ACSS3: variants seen among roughly 807,000 people sequenced by gnomAD.
ACSS3 encodes the protein acyl-CoA synthetase short chain family member 3, also known as acyl-CoA synthetase short-chain family member 3, mitochondrial.
A neutral mutation model predicts 84.2 loss-of-function variants in ACSS3; 64 were observed. That is an observed-to-expected ratio of 0.76 (90% CI 0.62 to 0.94). The LOEUF (loss-of-function observed/expected upper bound fraction) is 0.94, where lower values mean the gene tolerates loss of function less well. ACSS3 is among the 40% of genes least tolerant of loss of function. The pLI is 0.00. For missense variants in ACSS3, 815 were observed against 867.6 expected (o/e 0.94, Z 0.76); for synonymous variants, 317 against 310.1 (o/e 1.02, Z -0.23).
intron 1 of ACSS3, among the ~76,000 whole-genome samples, chr12:81,079,582 C>A (rs1485549986): frequency 6.6e-6 from 1 of 152,160 alleles, no homozygotes; most frequent in Non-Finnish European, 1.5e-5. Context: ...AGAATCTGAG[C>A]ACCTTGCCCC....
In ACSS3 at chr12:81,258,255, A is replaced by T. The variant is rs970300359; in HGVS notation, c.*3333A>T. The T allele has an allele frequency of 2.0e-5, 3 of 152,208 alleles. No individual in the cohort carries two copies. The highest frequency in any genetic ancestry group is 7.2e-5 in the African/African-American group (3 of 41,474). The allele number at this position is 152,208 out of a possible 1,614,324, so 9.4% of individuals were successfully genotyped here. A position where few individuals can be genotyped will look rare whatever the true frequency, so the allele number is the denominator to read the frequency against. On this transcript the variant is annotated 3_prime_UTR_variant, in exon 16 of 16. Coordinates refer to ENST00000548058, the MANE Select transcript of ACSS3 (RefSeq NM_024560.4). ...CTTATGTGACTAGAAAACAAAGCTTAAACAGAGAACTGGAATTATTATTTT... is the reference window on the plus strand; with the variant it reads ...CTTATGTGACTAGAAAACAAAGCTTTAACAGAGAACTGGAATTATTATTTT...
In ACSS3 at chr12:81,195,596, T is replaced by C. The variant is rs576979625; in HGVS notation, c.1251-3745T>C. Among the ~76,000 whole-genome samples, 20 of 151,252 alleles carry C rather than the reference T, an allele frequency of 1.3e-4. 1 individual carries two copies. The South Asian group carries it at 4.2e-3, about 32-fold the overall frequency. On this transcript the variant is annotated intron_variant, in intron 8 of 15. Transcript: ENST00000548058. Reference sequence around the variant, plus strand: ...GTAATTTGTCAAAAAAATTGTGTGGTTTTTTTTTCCTAGTCTCTGTCTCTT... The same window carrying C: ...GTAATTTGTCAAAAAAATTGTGTGGCTTTTTTTTCCTAGTCTCTGTCTCTT...
At chr12:81,236,270 T>C (rs2135980228) in intron 13 of ACSS3, among the ~76,000 whole-genome samples, 1 of 151,674 alleles carries the variant, frequency 6.6e-6, no homozygotes, top group South Asian at 2.1e-4. Flanking sequence ...TAAATAATTT[T>C]CAGCTTTTGA....
In ACSS3 at chr12:81,139,162, T is replaced by C. The variant is rs369721611; in HGVS notation, c.677T>C (p.Ile226Thr). 27 of 1,613,730 alleles carry C rather than the reference T, an allele frequency of 1.7e-5. No individual in the cohort carries two copies. The highest frequency in any genetic ancestry group is 1.8e-5 in the Non-Finnish European group (21 of 1,179,794). The part of the protein sequence containing the change: ...PKVVVTASFG[I>T]EPGRRVEYVP... Reference sequence around the variant, plus strand: ...GTGGTTGTTACAGCATCATTTGGCATTGAACCTGGAAGGAGGGTAGAGTAC... The same window carrying C: ...GTGGTTGTTACAGCATCATTTGGCACTGAACCTGGAAGGAGGGTAGAGTAC... The change falls in exon 4 of 16, where the codon ATT becomes ACT. Residue 226 changes from isoleucine to threonine, a missense_variant. Physicochemically the swap from Ile to Thr is moderately conservative, Grantham distance 89 (BLOSUM62 -1). Transcript: ENST00000548058.
At chr12:81,141,463 A>G (rs943576481) in intron 4 of ACSS3, among the ~76,000 whole-genome samples, 13 of 152,196 alleles carry the variant, frequency 8.5e-5, no homozygotes, top group East Asian at 1.9e-4. Context: ...TATTGCATCA[A>G]TCACCCCTAT....
At chr12:81,087,903 A>G (rs941493026) in intron 1 of ACSS3, among the ~76,000 whole-genome samples, 1 of 152,106 alleles carries the variant, frequency 6.6e-6, no homozygotes, top group Non-Finnish European at 1.5e-5. Flanking sequence ...CTGGTTCAAA[A>G]TCTTGGCTCT....
At chr12:81,138,900 C>G (rs1885945060) in intron 3 of ACSS3, among the ~76,000 whole-genome samples, 2 of 152,104 alleles carry the variant, frequency 1.3e-5, no homozygotes, top group South Asian at 4.1e-4. Context: ...ACATATGAGT[C>G]AAAAACATCA....
chr12:81,118,267 T>C (rs1025080655), intron 2 of ACSS3, among the ~76,000 whole-genome samples: 4 of 152,104 alleles, frequency 2.6e-5, no homozygotes, highest in African/African-American at 4.8e-5. Flanking sequence ...AAATAATGCA[T>C]TTGTCTTTTA....
chr12:81,078,412 C>G lies in ACSS3; in HGVS notation c.292C>G (p.His98Asp), dbSNP rs1880757775. 6.2e-7 allele frequency: 1 copy of G among 1,612,642 alleles called. No homozygotes were observed. Among genetic ancestry groups the G allele is most frequent in the East Asian group, 2.2e-5 (1 of 44,832 alleles). Residue 98 changes from histidine to aspartate, a missense_variant, in exon 1 of 16, where the codon CAC (histidine) becomes GAC (aspartate). His to Asp is a moderately conservative substitution (Grantham distance 81). Coordinates refer to ENST00000548058, the MANE Select transcript of ACSS3 (RefSeq NM_024560.4). ...CTGGACCAAAACGCTGGAGAACAAA[C>G]ACTCGCCCTCTACCAGGTGGTGAGT... ...KPWTKTLENKHSPSTRWFVEG... is the reference protein window; with the variant it reads ...KPWTKTLENKDSPSTRWFVEG...
chr12:81,246,781 T>G (rs2033998029), intron 13 of ACSS3, among the ~76,000 whole-genome samples: 1 of 152,166 alleles, frequency 6.6e-6, no homozygotes, highest in African/African-American at 2.4e-5. Flanking sequence ...GAGTCAAAGT[T>G]TTATTTCCTC....
chr12:81,157,813 T>C (rs929386121), intron 7 of ACSS3, among the ~76,000 whole-genome samples: 1 of 151,510 alleles, frequency 6.6e-6, no homozygotes, highest in Non-Finnish European at 1.5e-5. Context: ...TCTCAAAAAA[T>C]AAATAAATAA....
At chr12:81,254,806 G>A (rs769503207) in intron 15 of ACSS3, 51 bp from the exon 16 acceptor site, 46 of 1,361,736 alleles carry the variant, frequency 3.4e-5, no homozygotes, top group African/African-American at 1.3e-4. Context: ...TATAGAAAGA[G>A]TAGAAGAAAT....
intron 9 of ACSS3, among the ~76,000 whole-genome samples, chr12:81,204,572 T>C (rs554695280): frequency 6.6e-6 from 1 of 152,292 alleles, no homozygotes; most frequent in East Asian, 1.9e-4. Flanking sequence ...TTCTTTCTCT[T>C]GCTATCACTC....
chr12:81,160,761 A>G (rs1365141176), intron 7 of ACSS3, among the ~76,000 whole-genome samples: 1 of 152,192 alleles, frequency 6.6e-6, no homozygotes, highest in Non-Finnish European at 1.5e-5. Flanking sequence ...TTTACTGAAG[A>G]AAACTTTCAC....
At chr12:81,254,787 T>C (rs2034253478) in intron 15 of ACSS3, 70 bp from the exon 16 acceptor site, 3 of 1,246,724 alleles carry the variant, frequency 2.4e-6, no homozygotes, top group East Asian at 4.8e-5. Context: ...TTGCATATAA[T>C]TGTTTAATTA....
intron 7 of ACSS3, among the ~76,000 whole-genome samples, chr12:81,161,302 G>A (rs542265221): frequency 5.5e-4 from 84 of 152,254 alleles, no homozygotes; most frequent in Non-Finnish European, 9.7e-4. Context: ...TTTGAAGAAT[G>A]AGCAGAAGAT....
At chr12:81,134,739 T>G in intron 2 of ACSS3, 77 bp from the exon 3 acceptor site, 1 of 1,323,774 alleles carries the variant, frequency 7.6e-7, no homozygotes, top group Non-Finnish European at 9.9e-7. Context: ...GATCAGCTTC[T>G]AATATTACTG....
chr12:81,194,859 TC>T (rs1343064225), intron 8 of ACSS3, among the ~76,000 whole-genome samples: 7 of 132,162 alleles, frequency 5.3e-5, no homozygotes, highest in Non-Finnish European at 1.1e-4. Context: ...TGGGGGATAG[TC>T]AAAAAAAAAA....
chr12:81,185,167 A>G (rs1204787369), intron 8 of ACSS3, among the ~76,000 whole-genome samples: 1 of 151,788 alleles, frequency 6.6e-6, no homozygotes, highest in African/African-American at 2.4e-5. Flanking sequence ...TCCTTTCTTG[A>G]TAAAAACCTT....
Sources: gnomAD v4.1 joint callset for allele counts (sites outside exome capture counted in the v4.1 genomes callset) on GRCh38, gnomAD v4.1.1 for gene constraint, MANE v1.5 for transcripts, NCBI Gene and HGNC (gene_info 2026-07-23, HGNC 2026-07-21) for gene names.